Variants in NKAIN3 observed in about 807,000 individuals in gnomAD.
The protein encoded by NKAIN3 is sodium/potassium-transporting ATPase subunit beta-1-interacting protein 3.
In NKAIN3, 25 loss-of-function variants were observed where a neutral mutation model predicts 30.2. The ratio of observed to expected loss-of-function variants is 0.83; its 90% CI spans 0.60 to 1.16. The LOEUF (loss-of-function observed/expected upper bound fraction) is 1.16, where lower values mean the gene tolerates loss of function less well. NKAIN3 is among the 50% of genes most tolerant of loss of function. The pLI is 0.00. For synonymous variants in NKAIN3, 91 were observed against 89.6 expected (o/e 1.02, Z -0.09); for missense variants, 225 against 254.1 (o/e 0.89, Z 0.78).
intron 1 of NKAIN3, among the ~76,000 whole-genome samples, chr8:62,417,687 CATT>C (rs1804492313): frequency 6.6e-6 from 1 of 152,118 alleles, no homozygotes; most frequent in Admixed American, 6.5e-5. Context: ...GATGATATCT[CATT>C]GTAGTTTTGA....
chr8:62,482,693 C>A (rs1269801076), intron 1 of NKAIN3: 2 of 152,260 alleles, frequency 1.3e-5, no homozygotes, highest in Non-Finnish European at 2.9e-5. Flanking sequence ...GCACAGTGGC[C>A]CTGGTTGGCA....
intron 1 of NKAIN3, among the ~76,000 whole-genome samples, chr8:62,562,909 G>T (rs1372200018): frequency 2.0e-5 from 3 of 152,112 alleles, no homozygotes; most frequent in Non-Finnish European, 2.9e-5. Flanking sequence ...GGTTCTTAGA[G>T]AAACTTTTGG....
At chr8:62,288,396 C>T (rs1813452126) in intron 1 of NKAIN3, among the ~76,000 whole-genome samples, 1 of 152,178 alleles carries the variant, frequency 6.6e-6, no homozygotes, top group Admixed American at 6.6e-5. Context: ...CCTCCCTCCA[C>T]CTACCTGACG....
intron 4 of NKAIN3, among the ~76,000 whole-genome samples, chr8:62,866,629 G>T (rs180956699): frequency 2.8e-4 from 43 of 152,198 alleles, no homozygotes; most frequent in South Asian, 2.1e-3. Context: ...ATTAATTAAG[G>T]TGCCTCATTT....
At chr8:62,877,200 T>C (rs1364436668) in intron 4 of NKAIN3, among the ~76,000 whole-genome samples, 2 of 152,026 alleles carry the variant, frequency 1.3e-5, no homozygotes, top group East Asian at 3.9e-4. Context: ...CCTCCTATCT[T>C]ATGGACCCAG....
At chr8:62,821,718 G>A (rs1425156827) in intron 4 of NKAIN3, among the ~76,000 whole-genome samples, 1 of 152,056 alleles carries the variant, frequency 6.6e-6, no homozygotes, top group African/African-American at 2.4e-5. Context: ...TGACATATAA[G>A]CTTGCTAAAA....
chr8:62,945,222 A>G (rs1000367359), intron 5 of NKAIN3, among the ~76,000 whole-genome samples: 2 of 152,216 alleles, frequency 1.3e-5, no homozygotes, highest in African/African-American at 4.8e-5. Context: ...AGAAAAAAGT[A>G]AAGCAGGGAA....
rs369034830 is a variant in NKAIN3 at position 62,317,837 on chromosome 8, C to G, written c.54+68710C>G. On this transcript the variant is annotated intron_variant, in intron 1 of 6. Transcript: ENST00000623646. ...AGAAAGTCATTGGTAGCTTGATGGG[C>G]ATGGCATTGAATCTATAAATTACCT... Among the ~76,000 whole-genome samples the G allele has an allele frequency of 9.3e-3, 1,418 of 152,206 alleles. 30 individuals are homozygous for G. Among genetic ancestry groups the G allele is most frequent in the African/African-American group, 0.031 (1,293 of 41,530 alleles).
At chr8:62,963,376 TCA>T (rs1238077737) in intron 6 of NKAIN3, among the ~76,000 whole-genome samples, 1 of 152,144 alleles carries the variant, frequency 6.6e-6, no homozygotes, top group Non-Finnish European at 1.5e-5. Context: ...AAGAACAGGC[TCA>T]GCCTGTTTCA....
At chr8:62,403,952 A>C (rs1470123331) in intron 1 of NKAIN3, among the ~76,000 whole-genome samples, 1 of 152,238 alleles carries the variant, frequency 6.6e-6, no homozygotes, top group Non-Finnish European at 1.5e-5. Flanking sequence ...CTGTAAAGCC[A>C]CAGGGGCAGA....
At chr8:62,467,479 C>CA (rs1188254642) in intron 1 of NKAIN3, among the ~76,000 whole-genome samples, 2 of 152,014 alleles carry the variant, frequency 1.3e-5, no homozygotes, top group Non-Finnish European at 2.9e-5. Context: ...AAATACTTGA[C>CA]AAAAAATATA....
chr8:62,777,208 T>C (rs1228858595), intron 4 of NKAIN3, among the ~76,000 whole-genome samples: 1 of 152,178 alleles, frequency 6.6e-6, no homozygotes, highest in Non-Finnish European at 1.5e-5. Flanking sequence ...TGTTCTATAA[T>C]TTTCCTGTAC....
At chr8:62,889,107 G>A (rs527565915) in intron 4 of NKAIN3, among the ~76,000 whole-genome samples, 9 of 152,210 alleles carry the variant, frequency 5.9e-5, no homozygotes, top group African/African-American at 2.2e-4. Context: ...GGTGACTCAC[G>A]CCTGTAAACC....
At chr8:62,908,245 A>C (rs1042713045) in intron 4 of NKAIN3, among the ~76,000 whole-genome samples, 2 of 152,194 alleles carry the variant, frequency 1.3e-5, no homozygotes, top group Admixed American at 6.5e-5. Flanking sequence ...TATTTACCCA[A>C]TGCCTGTACC....
At chr8:62,569,621 C>A (rs1809865493) in intron 1 of NKAIN3, among the ~76,000 whole-genome samples, 1 of 151,966 alleles carries the variant, frequency 6.6e-6, no homozygotes, top group African/African-American at 2.4e-5. Context: ...ACTAAAAATA[C>A]AAAAATTAGC....
rs34367834 is a variant in NKAIN3, at chr8:62,553,539, C to CTT, written c.55-25986_55-25985dup. Among the ~76,000 whole-genome samples the CTT allele has an allele frequency of 1.3e-3, 180 of 142,922 alleles. 2 individuals are homozygous for CTT. Among genetic ancestry groups the CTT allele is most frequent in the Middle Eastern group, 3.6e-3 (1 of 280 alleles). The allele number at this position is 142,922 out of a possible 152,430, so 93.8% of individuals were successfully genotyped here. ...GCATGTTGTATTTTTATACTGAACA[C>CTT]TTTTTTTTTTTTTTTGAGACAGAAT... is the stretch of plus-strand genomic sequence containing the variant. On this transcript the variant is annotated intron_variant, in intron 1 of 6. Transcript: ENST00000623646.
At chr8:62,838,151 G>A (rs72653284) in intron 4 of NKAIN3, among the ~76,000 whole-genome samples, 3,539 of 150,614 alleles carry the variant, frequency 0.023, 96 homozygotes, top group African/African-American at 0.07. Flanking sequence ...GTGTGTGTGT[G>A]TATATAAAAT....
intron 1 of NKAIN3, among the ~76,000 whole-genome samples, chr8:62,422,243 C>T (rs757847497): frequency 6.6e-6 from 1 of 151,840 alleles, no homozygotes; most frequent in Non-Finnish European, 1.5e-5. Flanking sequence ...CTTAAAAGGC[C>T]TATTATGGTG....
chr8:62,863,207 A>G (rs1419209400), intron 4 of NKAIN3: 6 of 1,556,676 alleles, frequency 3.9e-6, no homozygotes, highest in South Asian at 3.3e-5. Context: ...CGTTTTTCCA[A>G]TAACTCAGCC....
Sources: allele counts gnomAD v4.1 joint callset (sites outside exome capture counted in the v4.1 genomes callset), GRCh38; gene constraint gnomAD v4.1.1; transcripts MANE v1.5; gene names NCBI Gene and HGNC (gene_info 2026-07-23, HGNC 2026-07-21).